CMIP: variants seen among roughly 807,000 people sequenced by gnomAD.
The protein encoded by CMIP is C-Maf-inducing protein.
A neutral mutation model predicts 97.3 loss-of-function variants in CMIP; 13 were observed. That is an observed-to-expected ratio of 0.13 (90% CI 0.09 to 0.21). CMIP has a LOEUF of 0.21. CMIP is among the 10% of genes least tolerant of loss of function. CMIP has a pLI of 1.00. For synonymous variants in CMIP, 538 were observed against 436.3 expected, an observed-to-expected ratio of 1.23 and a Z score of -2.91; for missense variants, 847 against 1,024.9, an observed-to-expected ratio of 0.83 and a Z score of 2.37.
chr16:81,702,807 C>T (rs776122119), intron 17 of CMIP, 138 bp downstream of exon 17: 11 of 721,328 alleles, frequency 1.5e-5, no homozygotes, highest in East Asian at 5.4e-5. Context: ...GTACTTAACA[C>T]GCCAGCTCTT....
intron 7 of CMIP, chr16:81,665,246 G>C (rs1371459314): frequency 6.6e-6 from 1 of 152,094 alleles, no homozygotes; most frequent in Non-Finnish European, 1.5e-5. Flanking sequence ...TCATTCCAGG[G>C]ACAGCAGCAA....
chr16:81,696,737 A>G (rs1906767985), intron 14 of CMIP, 70 bp downstream of exon 14: 1 of 1,426,638 alleles, frequency 7.0e-7, no homozygotes, highest in Non-Finnish European at 9.5e-7. Flanking sequence ...CTAGTAAAAC[A>G]GCCGTCCCCC....
chr16:81,496,632 C>T (rs549879936), intron 1 of CMIP, among the ~76,000 whole-genome samples: 5 of 152,308 alleles, frequency 3.3e-5, no homozygotes, highest in South Asian at 2.1e-4. Flanking sequence ...CTTTTGTGCA[C>T]GTGCTTCCAG....
chr16:81,516,854 C>G (rs186710841), intron 1 of CMIP, among the ~76,000 whole-genome samples: 1 of 152,336 alleles, frequency 6.6e-6, no homozygotes, highest in Admixed American at 6.5e-5. Context: ...AGTGAAAAAC[C>G]AGATGGCCTC....
intron 1 of CMIP, among the ~76,000 whole-genome samples, chr16:81,539,523 G>A (rs190546361): frequency 2.6e-5 from 4 of 152,304 alleles, no homozygotes; most frequent in African/African-American, 9.6e-5. Context: ...CTTCGCTGTT[G>A]CTTTTAGGAA....
At chr16:81,706,012 C>G (rs1377395345) in intron 19 of CMIP, among the ~76,000 whole-genome samples, 4 of 152,186 alleles carry the variant, frequency 2.6e-5, no homozygotes, top group East Asian at 1.9e-4. Flanking sequence ...CCTCCTGACT[C>G]AGACACCGTA....
At chr16:81,466,845 G>C (rs952397986) in intron 1 of CMIP, among the ~76,000 whole-genome samples, 2 of 152,206 alleles carry the variant, frequency 1.3e-5, no homozygotes, top group African/African-American at 4.8e-5. Flanking sequence ...TTGCTTGAAA[G>C]AGGCTGTTGT....
intron 1 of CMIP, among the ~76,000 whole-genome samples, chr16:81,481,121 G>C (rs1908234197): frequency 6.6e-6 from 1 of 152,206 alleles, no homozygotes. Context: ...TGAGATTTTT[G>C]ATGGCTGTGG....
At position 81,614,296 on chromosome 16, in the gene CMIP, C is replaced by T. The variant is rs1318282867; in HGVS notation, c.427-6580C>T. 4.6e-5 allele frequency among the ~76,000 whole-genome samples: 7 copies of T among 152,202 alleles called. No individual in the cohort carries two copies. Among genetic ancestry groups the T allele is most frequent in the African/African-American group, 1.2e-4 (5 of 41,434 alleles). On this transcript the variant is annotated intron_variant, in intron 2 of 20. Coordinates refer to ENST00000537098, the MANE Select transcript of CMIP (RefSeq NM_198390.3). The surrounding 1 kb of genome is among the most constrained non-coding windows in gnomAD (Gnocchi z 5.3). ...ACCACGCATTCTAGGTGGCTGGAAG[C>T]GGCACGGCATTGTTTCTAACTTGTG...
At chr16:81,633,938 G>A (rs1399058803) in intron 3 of CMIP, among the ~76,000 whole-genome samples, 2 of 152,260 alleles carry the variant, frequency 1.3e-5, no homozygotes, top group African/African-American at 4.8e-5. Context: ...TTTTGTTAAA[G>A]TCTGCAACCA....
At position 81,709,898 on chromosome 16, in the gene CMIP, C is replaced by T; in HGVS notation, c.*99C>T. On this transcript the variant is annotated 3_prime_UTR_variant, in exon 21 of 21. Coordinates refer to ENST00000537098, the MANE Select transcript of CMIP (RefSeq NM_198390.3). ...CGGTCCTGGGGTCCCACCCTGGTGC[C>T]CTGGCTGTGAGATAGATGGGGAGTC... 1.1e-6 allele frequency: 1 copy of T among 941,460 alleles called. No homozygotes were observed. The highest frequency in any genetic ancestry group is 1.5e-6 in the Non-Finnish European group (1 of 679,818). 58.3% of individuals were successfully genotyped at this position (941,460 alleles called of 1,614,324 possible).
At chr16:81,447,459 G>A (rs941377414) in intron 1 of CMIP, among the ~76,000 whole-genome samples, 5 of 152,078 alleles carry the variant, frequency 3.3e-5, no homozygotes. Flanking sequence ...TGCTCAGGAG[G>A]TATATCTGAG....
At chr16:81,526,006 G>C (rs1160481581) in intron 1 of CMIP, among the ~76,000 whole-genome samples, 2 of 20,148 alleles carry the variant, frequency 9.9e-5, no homozygotes, top group Admixed American at 4.9e-4. Context: ...GTGTGTGTGT[G>C]TCTGTGTGTG....
chr16:81,556,250 G>A (rs1450335519), intron 1 of CMIP, among the ~76,000 whole-genome samples: 1 of 152,116 alleles, frequency 6.6e-6, no homozygotes. Context: ...TGGTTATTAT[G>A]GGGGAATGCC....
At chr16:81,569,397 T>A (rs2091042964) in intron 1 of CMIP, among the ~76,000 whole-genome samples, 1 of 152,222 alleles carries the variant, frequency 6.6e-6, no homozygotes, top group African/African-American at 2.4e-5. Context: ...CTCAAGCCCG[T>A]GCTCTCCTTT....
At chr16:81,676,170 C>T (rs973746320) in intron 9 of CMIP, among the ~76,000 whole-genome samples, 3 of 152,200 alleles carry the variant, frequency 2.0e-5, no homozygotes, top group Non-Finnish European at 4.4e-5. Context: ...CCTGCTGCCT[C>T]GTGCCAGCCC....
intron 19 of CMIP, among the ~76,000 whole-genome samples, chr16:81,705,911 TGTA>T (rs1197955860): frequency 2.6e-5 from 4 of 152,218 alleles, no homozygotes; most frequent in African/African-American, 7.2e-5. Context: ...AGGACGGGGC[TGTA>T]GTACATTGCC....
At chr16:81,587,217 A>C (rs1430913646) in intron 1 of CMIP, among the ~76,000 whole-genome samples, 2 of 152,234 alleles carry the variant, frequency 1.3e-5, no homozygotes, top group African/African-American at 4.8e-5. Context: ...AGGGGAGCGC[A>C]CTGGACACTG....
chr16:81,462,547 A>G (rs143195940), intron 1 of CMIP, among the ~76,000 whole-genome samples: 144 of 152,286 alleles, frequency 9.5e-4, no homozygotes, highest in Non-Finnish European at 1.5e-3. Flanking sequence ...CAAGGTTTTT[A>G]TTCAGAGTTT....
Sources: allele counts gnomAD v4.1 joint callset (sites outside exome capture counted in the v4.1 genomes callset), GRCh38; gene constraint gnomAD v4.1.1; non-coding constraint Gnocchi (gnomAD v3.1); transcripts MANE v1.5; gene names NCBI Gene and HGNC (gene_info 2026-07-23, HGNC 2026-07-21).